LBH: variants seen among roughly 807,000 people sequenced by gnomAD.
The protein encoded by LBH is LBH regulator of Wnt signaling pathway, also known as protein LBH.
Under a neutral mutation model 12.5 loss-of-function variants are expected in LBH, and 7 were observed. The observed-to-expected ratio is 0.56, with a 90% CI of 0.32 to 1.05. The LOEUF (loss-of-function observed/expected upper bound fraction) is 1.05. LBH is among the 50% of genes least tolerant of loss of function. LBH has a pLI of 0.04. For synonymous variants in LBH, 51 were observed against 50.1 expected (o/e 1.02, Z -0.08); for missense variants, 119 against 138.9 (o/e 0.86, Z 0.72).
At chr2:30,248,803 T>A (rs1677921082) in intron 2 of LBH, among the ~76,000 whole-genome samples, 1 of 152,158 alleles carries the variant, frequency 6.6e-6, no homozygotes, top group African/African-American at 2.4e-5. Flanking sequence ...TAATTAGAAT[T>A]TGGAACTCCT....
At chr2:30,252,911 C>A (rs1156548678) in intron 2 of LBH, among the ~76,000 whole-genome samples, 1 of 152,182 alleles carries the variant, frequency 6.6e-6, no homozygotes, top group Non-Finnish European at 1.5e-5. Context: ...GTGAGAAATG[C>A]CTCTGAGAGC....
rs367954684 is a variant in LBH, at chr2:30,238,885, CTT to C, written c.129+4399_129+4400del. On this transcript the variant is annotated intron_variant, in intron 2 of 2. Transcript: ENST00000395323. ...CTTCTTTCTCTCACTCCTCCCCACT[CTT>C]TTTTTTTTTTTTTTTTTTTTGAGAT... Among the ~76,000 whole-genome samples the C allele has an allele frequency of 1.8e-3, 172 of 98,014 alleles. 1 individual carries two copies. The highest frequency in any genetic ancestry group is 4.1e-3 in the South Asian group (11 of 2,714). The allele number at this position is 98,014 out of a possible 152,430, so 64.3% of individuals were successfully genotyped here. A position where few individuals can be genotyped will look rare whatever the true frequency, so the allele number is the denominator to read the frequency against.
chr2:30,247,629 C>T (rs1012594256), intron 2 of LBH, among the ~76,000 whole-genome samples: 2 of 152,348 alleles, frequency 1.3e-5, no homozygotes, highest in African/African-American at 4.8e-5. Flanking sequence ...AACTCTGTCA[C>T]ATGACTGCTT....
chr2:30,232,200 T>A, intron 1 of LBH: 2 of 1,328,130 alleles, frequency 1.5e-6, no homozygotes, highest in Non-Finnish European at 2.0e-6. Flanking sequence ...GCAGCGGGGC[T>A]GAGCTGGTGC....
At chr2:30,232,264 C>A in intron 1 of LBH, 10 of 1,511,206 alleles carry the variant, frequency 6.6e-6, no homozygotes, top group Non-Finnish European at 8.0e-6. Context: ...ACGCTCTCCC[C>A]ACACGTAACC....
intron 2 of LBH, among the ~76,000 whole-genome samples, chr2:30,245,454 C>T (rs1677855361): frequency 6.6e-6 from 1 of 152,192 alleles, no homozygotes; most frequent in African/African-American, 2.4e-5. Context: ...CGTACACTTT[C>T]TTCAGAATCA....
Position 30,231,623 on chromosome 2 carries a change from C to A in LBH, c.-116C>A. ...GTCCTGGGAAGGCGGACGGCGAGCG[C>A]CCGGTGTCCGCACTCGGCCGCCTGC... On this transcript the variant is annotated 5_prime_UTR_variant, in exon 1 of 3. Coordinates refer to ENST00000395323, the MANE Select transcript of LBH (RefSeq NM_030915.4). 9.7e-7 allele frequency: 1 copy of A among 1,035,312 alleles called. No individual in the cohort carries two copies. Among genetic ancestry groups the A allele is most frequent in the Non-Finnish European group, 1.5e-6 (1 of 673,748 alleles). The allele number at this position is 1,035,312 out of a possible 1,614,324, so 64.1% of individuals were successfully genotyped here. A position where few individuals can be genotyped will look rare whatever the true frequency, so the allele number is the denominator to read the frequency against.
intron 2 of LBH, among the ~76,000 whole-genome samples, chr2:30,239,261 G>A (rs982044614): frequency 6.6e-6 from 1 of 152,184 alleles, no homozygotes; most frequent in Admixed American, 6.5e-5. Flanking sequence ...TCACTCTGCC[G>A]GTTCCACCTG....
At chr2:30,233,785 CT>C (rs1215269234) in intron 1 of LBH, among the ~76,000 whole-genome samples, 3 of 152,192 alleles carry the variant, frequency 2.0e-5, no homozygotes, top group African/African-American at 7.2e-5. Context: ...GCTGCTGTGT[CT>C]GGGGCTAGAG....
chr2:30,240,741 G>GC (rs890181788), intron 2 of LBH, among the ~76,000 whole-genome samples: 1 of 152,200 alleles, frequency 6.6e-6, no homozygotes, highest in Admixed American at 6.5e-5. Context: ...AACTTTGGGA[G>GC]CCCCCTCAAG....
chr2:30,245,883 A>AG (rs2103559981), intron 2 of LBH, among the ~76,000 whole-genome samples: 1 of 152,296 alleles, frequency 6.6e-6, no homozygotes, highest in South Asian at 2.1e-4. Context: ...TTCAGATATC[A>AG]GAAGGCACCT....
intron 2 of LBH, among the ~76,000 whole-genome samples, chr2:30,254,950 C>T (rs1381259148): frequency 6.6e-6 from 1 of 152,266 alleles, no homozygotes; most frequent in African/African-American, 2.4e-5. Context: ...CTTACTCTCC[C>T]TCCCTGCTCA....
intron 2 of LBH, among the ~76,000 whole-genome samples, chr2:30,254,624 C>T (rs1572384512): frequency 6.6e-6 from 1 of 152,120 alleles, no homozygotes; most frequent in South Asian, 2.1e-4. Context: ...CTCCCCCTCC[C>T]CCCCTCCTCC....
chr2:30,250,386 GCTAACC>G (rs1276746055), intron 2 of LBH, among the ~76,000 whole-genome samples: 1 of 151,902 alleles, frequency 6.6e-6, no homozygotes, highest in Non-Finnish European at 1.5e-5. Flanking sequence ...TTTGTGTCCT[GCTAACC>G]ACCTTTCATC....
chr2:30,239,477 G>C (rs1389681057), intron 2 of LBH, among the ~76,000 whole-genome samples: 1 of 152,330 alleles, frequency 6.6e-6, no homozygotes, highest in Non-Finnish European at 1.5e-5. Flanking sequence ...GCGCTGCTGA[G>C]CAGCTGCACG....
intron 2 of LBH, among the ~76,000 whole-genome samples, chr2:30,250,053 C>T (rs150452189): frequency 2.3e-4 from 35 of 152,260 alleles, no homozygotes; most frequent in Middle Eastern, 3.4e-3. Context: ...GATAAAATGA[C>T]GTGACCAGGG....
chr2:30,232,592 C>T (rs1191449143), intron 1 of LBH: 1 of 180,554 alleles, frequency 5.5e-6, no homozygotes, highest in Non-Finnish European at 1.2e-5. Flanking sequence ...AGCGCGCTCT[C>T]AGGTGCGGAC....
At chr2:30,234,381 CT>C (rs757492534) in intron 1 of LBH, 23 bp from the exon 2 acceptor site, 14 of 1,592,070 alleles carry the variant, frequency 8.8e-6, no homozygotes, top group Non-Finnish European at 1.2e-5. Context: ...TGTTTGTTGA[CT>C]TTTGGTCTGG....
At chr2:30,246,029 G>A (rs1677864348) in intron 2 of LBH, among the ~76,000 whole-genome samples, 1 of 149,560 alleles carries the variant, frequency 6.7e-6, no homozygotes, top group South Asian at 2.1e-4. Flanking sequence ...TGCCATCCCA[G>A]CTCACTGCAA....
Sources: allele counts gnomAD v4.1 joint callset (sites outside exome capture counted in the v4.1 genomes callset), GRCh38; gene constraint gnomAD v4.1.1; transcripts MANE v1.5; gene names NCBI Gene and HGNC (gene_info 2026-07-23, HGNC 2026-07-21).